Variants in ARMC9 observed in about 807,000 individuals in gnomAD.
ARMC9 encodes the protein armadillo repeat containing 9.
Under a neutral mutation model 107.0 loss-of-function variants are expected in ARMC9, and 94 were observed. The observed-to-expected ratio is 0.88, with a 90% CI of 0.74 to 1.04. ARMC9 has a LOEUF of 1.04. Among genes scored for constraint, ARMC9 ranks in the 50% least tolerant of loss-of-function variants. The pLI is 0.00. For missense variants in ARMC9, 942 were observed against 1,030.1 expected, an observed-to-expected ratio of 0.91 and a Z score of 1.17; for synonymous variants, 380 against 396.9, an observed-to-expected ratio of 0.96 and a Z score of 0.51.
intron 12 of ARMC9, among the ~76,000 whole-genome samples, chr2:231,268,394 G>A (rs1192857626): frequency 1.3e-5 from 2 of 152,170 alleles, no homozygotes. Flanking sequence ...GCATCTTGGG[G>A]ACGACAGCCT....
chr2:231,342,766 C>A (rs551665740), intron 20 of ARMC9, among the ~76,000 whole-genome samples: 1 of 152,198 alleles, frequency 6.6e-6, no homozygotes, highest in South Asian at 2.1e-4. Context: ...ACAGAAAAGG[C>A]GACGCAACTG....
intron 19 of ARMC9, among the ~76,000 whole-genome samples, chr2:231,302,074 C>T (rs779407540): frequency 6.6e-6 from 1 of 152,060 alleles, no homozygotes; most frequent in Non-Finnish European, 1.5e-5. Flanking sequence ...CATGTAGTCT[C>T]CTAGGTTTTC....
chr2:231,247,670 C>T (rs923941078), intron 9 of ARMC9, among the ~76,000 whole-genome samples: 31 of 152,174 alleles, frequency 2.0e-4, no homozygotes, highest in African/African-American at 7.5e-4. Context: ...GTGGCTCACG[C>T]CTGTAATCCC....
At position 231,278,174 on chromosome 2, in the gene ARMC9, G is replaced by T. The variant is rs78831993; in HGVS notation, c.1475-208G>T. 1.3e-3 allele frequency among the ~76,000 whole-genome samples: 191 copies of T among 152,214 alleles called. 1 individual carries two copies. The highest frequency in any genetic ancestry group is 6.8e-3 in the Middle Eastern group (2 of 294). ...TCTACTTAATTTTGCATCACCTTTTGAGGTAGGTATGAATAGTAATCCCTG... is the reference window on the plus strand; with the variant it reads ...TCTACTTAATTTTGCATCACCTTTTTAGGTAGGTATGAATAGTAATCCCTG... On this transcript the variant is annotated intron_variant, in intron 15 of 24. Coordinates refer to ENST00000611582, the MANE Select transcript of ARMC9 (RefSeq NM_001352754.2).
intron 1 of ARMC9, among the ~76,000 whole-genome samples, chr2:231,201,969 C>T (rs2031069546): frequency 6.7e-6 from 1 of 148,368 alleles, no homozygotes; most frequent in Non-Finnish European, 1.5e-5. Context: ...CACCATGCTT[C>T]TTACTTGCAG....
intron 1 of ARMC9, among the ~76,000 whole-genome samples, chr2:231,203,400 T>C (rs115302371): frequency 0.024 from 3,647 of 152,244 alleles, 125 homozygotes; most frequent in African/African-American, 0.083. Context: ...TCTTCTGCCT[T>C]TTCCATCTGG....
At chr2:231,347,264 G>A (rs1445041088) in intron 21 of ARMC9, among the ~76,000 whole-genome samples, 2 of 152,138 alleles carry the variant, frequency 1.3e-5, no homozygotes, top group African/African-American at 2.4e-5. Flanking sequence ...TGATGCAGTC[G>A]CCCCGTCACC....
chr2:231,298,647 A>G (rs2041529656), intron 19 of ARMC9, among the ~76,000 whole-genome samples: 1 of 152,196 alleles, frequency 6.6e-6, no homozygotes, highest in Admixed American at 6.5e-5. Flanking sequence ...AACTCTAAAG[A>G]TAAAATGGTT....
chr2:231,201,262 C>G (rs563067724), intron 1 of ARMC9, among the ~76,000 whole-genome samples: 5 of 152,216 alleles, frequency 3.3e-5, no homozygotes, highest in Non-Finnish European at 7.3e-5. Flanking sequence ...CCCACTCCTT[C>G]ACAAACCCCA....
chr2:231,220,397 G>T (rs573817387), intron 5 of ARMC9, among the ~76,000 whole-genome samples: 2 of 152,056 alleles, frequency 1.3e-5, no homozygotes, highest in South Asian at 4.1e-4. Context: ...AGGAGTTCCA[G>T]ACCAGCCTGG....
At chr2:231,212,026 T>TA (rs895481525) in intron 3 of ARMC9, among the ~76,000 whole-genome samples, 9 of 151,862 alleles carry the variant, frequency 5.9e-5, no homozygotes, top group Middle Eastern at 3.4e-3. Flanking sequence ...GAAAGAAAAA[T>TA]AAAAAAAATA....
At chr2:231,256,546 G>A (rs2037835937) in intron 9 of ARMC9, 40 bp from the exon 10 acceptor site, 2 of 1,608,524 alleles carry the variant, frequency 1.2e-6, no homozygotes, top group Non-Finnish European at 1.7e-6. Context: ...TGCTATCAGT[G>A]TTTAACACCA....
At chr2:231,316,062 T>C (rs2042655687) in intron 19 of ARMC9, among the ~76,000 whole-genome samples, 1 of 152,192 alleles carries the variant, frequency 6.6e-6, no homozygotes, top group Non-Finnish European at 1.5e-5. Context: ...TGTTCCTCTT[T>C]TGTGCTCTTG....
At chr2:231,342,618 C>T (rs1355672088) in intron 20 of ARMC9, among the ~76,000 whole-genome samples, 1 of 151,824 alleles carries the variant, frequency 6.6e-6, no homozygotes, top group African/African-American at 2.4e-5. Flanking sequence ...CCTGGAGCAC[C>T]GTGATGAGAG....
chr2:231,237,175 C>CCTGTGT (rs71296843), intron 8 of ARMC9, among the ~76,000 whole-genome samples: 136 of 148,804 alleles, frequency 9.1e-4, no homozygotes, highest in African/African-American at 3.3e-3. Flanking sequence ...TCTGCGTATG[C>CCTGTGT]GTGTGTGTGT....
rs116594931 is a variant in ARMC9, at chr2:231,346,814, G to A, written c.1994+1724G>A. ...TCATTTGGTTTTCATCCAGGAATAC[G>A]GTCAGTTACCAATTACTAGTAAATC... is the stretch of plus-strand genomic sequence containing the variant. On this transcript the variant is annotated intron_variant, in intron 21 of 24. Coordinates refer to ENST00000611582, the MANE Select transcript of ARMC9 (RefSeq NM_001352754.2). Among the ~76,000 whole-genome samples, 561 of 152,136 alleles carry A rather than the reference G, an allele frequency of 3.7e-3. 3 individuals carry two copies. The highest frequency in any genetic ancestry group is 0.013 in the African/African-American group (534 of 41,518).
chr2:231,354,696 G>T (rs2045263802), intron 21 of ARMC9, among the ~76,000 whole-genome samples: 1 of 152,128 alleles, frequency 6.6e-6, no homozygotes, highest in African/African-American at 2.4e-5. Flanking sequence ...ATATGAAATT[G>T]ACATTCAAAA....
At chr2:231,361,525 C>G (rs910607914) in intron 23 of ARMC9, among the ~76,000 whole-genome samples, 8 of 151,252 alleles carry the variant, frequency 5.3e-5, no homozygotes, top group Non-Finnish European at 1.2e-4. Flanking sequence ...ATAGTGTCCT[C>G]TCTTCCACTG....
chr2:231,246,620 A>G (rs113988421), intron 9 of ARMC9, among the ~76,000 whole-genome samples: 3,948 of 152,208 alleles, frequency 0.026, 168 homozygotes, highest in African/African-American at 0.09. Context: ...GGGCACCCGG[A>G]TTGATTCCAT....
Sources: allele counts gnomAD v4.1 joint callset (sites outside exome capture counted in the v4.1 genomes callset), GRCh38; gene constraint gnomAD v4.1.1; transcripts MANE v1.5; gene names NCBI Gene and HGNC (gene_info 2026-07-23, HGNC 2026-07-21).